DCDC2: variants seen among roughly 807,000 people sequenced by gnomAD.
DCDC2 encodes doublecortin domain containing 2.
Under a neutral mutation model 50.2 loss-of-function variants are expected in DCDC2, and 40 were observed. The observed-to-expected ratio is 0.80, with a 90% CI of 0.62 to 1.04. The LOEUF (loss-of-function observed/expected upper bound fraction) is 1.04. Ranked by LOEUF, DCDC2 falls within the 50% of genes least tolerant of loss-of-function variation. The pLI is 0.00. For missense variants in DCDC2, 570 were observed against 581.9 expected, an observed-to-expected ratio of 0.98 and a Z score of 0.21; for synonymous variants, 234 against 210.6, an observed-to-expected ratio of 1.11 and a Z score of -0.96.
At chr6:24,180,384 A>G (rs1363769296) in intron 8 of DCDC2, among the ~76,000 whole-genome samples, 1 of 151,936 alleles carries the variant, frequency 6.6e-6, no homozygotes, top group Non-Finnish European at 1.5e-5. Flanking sequence ...TCCCCGGTTC[A>G]TGCCATTCTC....
At chr6:24,291,774 C>CTTG (rs1763758105) in intron 4 of DCDC2, among the ~76,000 whole-genome samples, 1 of 152,098 alleles carries the variant, frequency 6.6e-6, no homozygotes, top group African/African-American at 2.4e-5. Flanking sequence ...CATGAGCCAC[C>CTTG]GCGCCCGGCC....
intron 7 of DCDC2, among the ~76,000 whole-genome samples, chr6:24,263,437 C>A (rs1763054484): frequency 6.6e-6 from 1 of 152,064 alleles, no homozygotes; most frequent in South Asian, 2.1e-4. Context: ...GATACTTGAC[C>A]TTTCAGAGAA....
chr6:24,208,363 C>CTTTTTTTTTT (rs34475687), intron 7 of DCDC2, among the ~76,000 whole-genome samples: 4 of 84,406 alleles, frequency 4.7e-5, no homozygotes, highest in Non-Finnish European at 6.3e-5. Context: ...CTCTGTGCTA[C>CTTTTTTTTTT]TTTTTTTTTT....
At chr6:24,380,829 C>G in the DCDC2 span, among the ~76,000 whole-genome samples, 1 of 152,164 alleles carries the variant, frequency 6.6e-6, no homozygotes, top group Admixed American at 6.5e-5. Flanking sequence ...TGCAGTAGCT[C>G]ATACCTGTAA....
chr6:24,277,900 C>G (rs185087857), intron 7 of DCDC2, 149 bp downstream of exon 7: 7 of 579,556 alleles, frequency 1.2e-5, no homozygotes, highest in Non-Finnish European at 1.7e-5. Context: ...AGCATAAAAA[C>G]AGCAGCATCT....
intron 7 of DCDC2, among the ~76,000 whole-genome samples, chr6:24,274,797 C>A (rs1171509451): frequency 6.6e-6 from 1 of 151,488 alleles, no homozygotes; most frequent in Admixed American, 6.6e-5. Context: ...ATTAAAAAAT[C>A]AAGATAACCT....
At chr6:24,250,089 C>T (rs73726634) in intron 7 of DCDC2, among the ~76,000 whole-genome samples, 9,381 of 152,090 alleles carry the variant, frequency 0.062, 554 homozygotes, top group East Asian at 0.35. Flanking sequence ...ATTTTTTACC[C>T]GGGTCCCGGC....
chr6:24,357,306 C>A (rs781026264), intron 1 of DCDC2, 152 bp downstream of exon 1: 2 of 882,242 alleles, frequency 2.3e-6, no homozygotes, highest in South Asian at 4.1e-5. Flanking sequence ...TACCCCCCAA[C>A]TGCAACGAGA....
intron 2 of DCDC2, among the ~76,000 whole-genome samples, chr6:24,339,897 AAGAT>A (rs1488620614): frequency 1.2e-4 from 19 of 152,226 alleles, no homozygotes; most frequent in Admixed American, 6.5e-5. Context: ...TTGATGCTAT[AAGAT>A]AGAGAGAGCA....
Position 24,357,627 on chromosome 6 carries a change from A to G in DCDC2, c.124T>C (p.Ser42Pro). ...TCCTTCAGGAAGACTTCGAAGCTGG[A>G]CACCTTCTTCTCATGGATGACGACG... is the stretch of plus-strand genomic sequence containing the variant. ...RRVVIHEKKVSSFEVFLKEVT... is the reference protein window; with the variant it reads ...RRVVIHEKKVPSFEVFLKEVT... Residue 42 changes from serine to proline, a missense_variant, in exon 1 of 10, where the codon TCC becomes CCC. Physicochemically the swap from Ser to Pro is moderately conservative, Grantham distance 74 (BLOSUM62 -1). Transcript: ENST00000378454. The G allele has an allele frequency of 6.2e-7, 1 of 1,613,434 alleles. No individual in the cohort carries two copies. The highest frequency in any genetic ancestry group is 8.5e-7 in the Non-Finnish European group (1 of 1,179,996).
chr6:24,307,429 T>C (rs527539837), intron 2 of DCDC2, among the ~76,000 whole-genome samples: 3 of 152,248 alleles, frequency 2.0e-5, no homozygotes, highest in Admixed American at 2.0e-4. Context: ...TAAAGAAAAA[T>C]ATGTAGTGAA....
chr6:24,218,024 AT>A (rs1196483080), intron 7 of DCDC2, among the ~76,000 whole-genome samples: 2 of 152,240 alleles, frequency 1.3e-5, no homozygotes, highest in Non-Finnish European at 2.9e-5. Context: ...ACAGCCTAAC[AT>A]AAGCCCTTTT....
At chr6:24,181,789 T>TG (rs2113742330) in intron 8 of DCDC2, among the ~76,000 whole-genome samples, 1 of 152,348 alleles carries the variant, frequency 6.6e-6, no homozygotes, top group South Asian at 2.1e-4. Flanking sequence ...CAATCCCTGT[T>TG]GTTTTTTACG....
At position 24,353,610 on chromosome 6, in the gene DCDC2, C is replaced by T; in HGVS notation, c.307G>A (p.Gly103Arg). 1.3e-6 allele frequency: 2 copies of T among 1,591,854 alleles called. No homozygotes were observed. Among genetic ancestry groups the T allele is most frequent in the Non-Finnish European group, 1.7e-6 (2 of 1,168,058 alleles). The change falls in exon 2 of 10, where the codon GGA (glycine) becomes AGA (arginine). Residue 103 changes from glycine (G) to arginine (R), a missense_variant. Coordinates refer to ENST00000378454, the MANE Select transcript of DCDC2 (RefSeq NM_016356.5). ...AFKKLNYLDI[G>R]EIKKRPMEVV... ...TCCATTGGTCTTTTCTTGATTTCTCCTATGTCCAAGTAACTGAGGAAAAAA... is the reference window on the plus strand; with the variant it reads ...TCCATTGGTCTTTTCTTGATTTCTCTTATGTCCAAGTAACTGAGGAAAAAA...
intron 7 of DCDC2, among the ~76,000 whole-genome samples, chr6:24,214,926 T>C (rs1176063366): frequency 1.3e-5 from 2 of 149,202 alleles, no homozygotes; most frequent in East Asian, 1.9e-4. Flanking sequence ...TTCCTTATTA[T>C]GCAATGTTTA....
intron 7 of DCDC2, among the ~76,000 whole-genome samples, chr6:24,205,684 C>T (rs1294278545): frequency 6.6e-6 from 1 of 152,174 alleles, no homozygotes; most frequent in African/African-American, 2.4e-5. Context: ...ACTTTAAATC[C>T]TTAACTATCA....
At chr6:24,297,043 C>G (rs1002040640) in intron 4 of DCDC2, among the ~76,000 whole-genome samples, 1 of 152,046 alleles carries the variant, frequency 6.6e-6, no homozygotes, top group Non-Finnish European at 1.5e-5. Context: ...TTCACAGTAG[C>G]AAAGAAAAGG....
upstream of DCDC2, among the ~76,000 whole-genome samples, chr6:24,362,308 G>T (rs1021439266): frequency 1.7e-4 from 24 of 140,454 alleles, no homozygotes; most frequent in East Asian, 5.0e-3. Context: ...TTATTTAATT[G>T]TATGTTGATA....
chr6:24,235,824 G>A (rs777571646), intron 7 of DCDC2, among the ~76,000 whole-genome samples: 1 of 152,152 alleles, frequency 6.6e-6, no homozygotes, highest in East Asian at 1.9e-4. Flanking sequence ...TGTACAAGCT[G>A]AGAGCCAAAT....
Sources: gnomAD v4.1 joint callset for allele counts (sites outside exome capture counted in the v4.1 genomes callset) on GRCh38, gnomAD v4.1.1 for gene constraint, MANE v1.5 for transcripts, NCBI Gene and HGNC (gene_info 2026-07-23, HGNC 2026-07-21) for gene names.